Variants in WDR27 observed in about 807,000 individuals in gnomAD.
WDR27 encodes the protein WD repeat-containing protein 27.
A neutral mutation model predicts 114.4 loss-of-function variants in WDR27; 100 were observed. The ratio of observed to expected loss-of-function variants is 0.87; its 90% CI spans 0.74 to 1.03. WDR27 has a LOEUF of 1.03. Ranked by LOEUF, WDR27 falls within the 50% of genes least tolerant of loss-of-function variation. The probability of loss-of-function intolerance (pLI) is 0.00; values close to 1 mark genes in which losing one functional copy is unlikely to be tolerated. For synonymous variants in WDR27, 449 were observed against 423.1 expected (o/e 1.06, Z -0.75); for missense variants, 1,129 against 1,092.9 (o/e 1.03, Z -0.47).
intron 21 of WDR27, among the ~76,000 whole-genome samples, chr6:169,624,159 G>GTGTGCCA (rs1814125781): frequency 6.7e-6 from 1 of 148,186 alleles, no homozygotes; most frequent in African/African-American, 2.6e-5. Flanking sequence ...GGGGCGTCAG[G>GTGTGCCA]TGTGTGGCGT....
chr6:169,635,381 C>T (rs1817439248), intron 19 of WDR27, among the ~76,000 whole-genome samples: 1 of 152,158 alleles, frequency 6.6e-6, no homozygotes, highest in East Asian at 1.9e-4. Flanking sequence ...GAGACTCCGT[C>T]TCAAAAACAA....
At chr6:169,656,020 C>A (rs1824089224) in intron 13 of WDR27, among the ~76,000 whole-genome samples, 1 of 151,968 alleles carries the variant, frequency 6.6e-6, no homozygotes, top group Non-Finnish European at 1.5e-5. Context: ...CTGCACCCAG[C>A]TGGAGAGTTT....
chr6:169,458,216 C>A (rs1408620049), intron 25 of WDR27, among the ~76,000 whole-genome samples: 1 of 152,170 alleles, frequency 6.6e-6, no homozygotes, highest in Non-Finnish European at 1.5e-5. Flanking sequence ...CACCCTCATG[C>A]ACACCTTTCA....
intron 25 of WDR27, among the ~76,000 whole-genome samples, chr6:169,550,496 T>G (rs1197781740): frequency 6.6e-6 from 1 of 152,060 alleles, no homozygotes; most frequent in African/African-American, 2.4e-5. Flanking sequence ...CTCGGCTCAT[T>G]GCAACCTCCA....
chr6:169,474,976 C>T (rs1262424602), intron 25 of WDR27, among the ~76,000 whole-genome samples: 2 of 152,022 alleles, frequency 1.3e-5, no homozygotes, highest in Non-Finnish European at 2.9e-5. Context: ...TAGAGAAGAG[C>T]CCCCAGTGAC....
chr6:169,642,546 C>T lies in WDR27; in HGVS notation c.1747+1151G>A, dbSNP rs750582590. 7.2e-5 allele frequency among the ~76,000 whole-genome samples: 11 copies of T among 152,252 alleles called. No individual in the cohort carries two copies. The South Asian group carries it at 1.0e-3, about 14-fold the overall frequency. ...ATATGAGGTGGGACCAGGAGCAAGG[C>T]GCTCGAAGGGCAAGGGTGGCATCCA... On this transcript the variant is annotated intron_variant, in intron 17 of 25. Coordinates refer to ENST00000448612, the MANE Select transcript of WDR27 (RefSeq NM_182552.5).
At chr6:169,697,506 C>T (rs1170426097) in intron 1 of WDR27, among the ~76,000 whole-genome samples, 2 of 152,196 alleles carry the variant, frequency 1.3e-5, no homozygotes, top group Non-Finnish European at 2.9e-5. Flanking sequence ...ATCAGTCAGG[C>T]TCGCCCACTG....
At chr6:169,675,658 G>C (rs573234631) in intron 2 of WDR27, among the ~76,000 whole-genome samples, 31 of 152,212 alleles carry the variant, frequency 2.0e-4, no homozygotes, top group African/African-American at 7.0e-4. Flanking sequence ...CCAGGCTATA[G>C]GTAAATTTAA....
At chr6:169,614,195 CT>C (rs1811280261) in intron 21 of WDR27, among the ~76,000 whole-genome samples, 1 of 152,166 alleles carries the variant, frequency 6.6e-6, no homozygotes, top group Non-Finnish European at 1.5e-5. Context: ...TGGAACTGAA[CT>C]CAGCTCCATC....
intron 25 of WDR27, among the ~76,000 whole-genome samples, chr6:169,528,793 T>A (rs2128076169): frequency 6.6e-6 from 1 of 152,270 alleles, no homozygotes; most frequent in East Asian, 1.9e-4. Flanking sequence ...TCCCAAAGTG[T>A]TAGGATTGCA....
chr6:169,576,781 C>A (rs1390752249), intron 24 of WDR27, among the ~76,000 whole-genome samples: 7 of 142,098 alleles, frequency 4.9e-5, no homozygotes, highest in Admixed American at 7.1e-5. Flanking sequence ...AAAAAAAAGA[C>A]AAGAAAAGAA....
chr6:169,564,072 T>C (rs910246184), intron 25 of WDR27, among the ~76,000 whole-genome samples: 2 of 152,028 alleles, frequency 1.3e-5, no homozygotes, highest in Non-Finnish European at 2.9e-5. Context: ...TCCCAAAACC[T>C]CAAAAGTAGG....
intron 23 of WDR27, among the ~76,000 whole-genome samples, chr6:169,589,552 T>C (rs560123170): frequency 9.2e-5 from 14 of 152,308 alleles, no homozygotes; most frequent in Admixed American, 5.2e-4. Flanking sequence ...TTTTGTTTCC[T>C]CAGTGAGAAT....
chr6:169,699,076 A>G (rs1013125480), intron 1 of WDR27, among the ~76,000 whole-genome samples: 2 of 152,226 alleles, frequency 1.3e-5, no homozygotes, highest in Non-Finnish European at 2.9e-5. Flanking sequence ...ACAACCTGTA[A>G]TAACGCAGAA....
intron 25 of WDR27, among the ~76,000 whole-genome samples, chr6:169,509,711 T>C (rs913953062): frequency 3.5e-4 from 53 of 152,140 alleles, no homozygotes; most frequent in African/African-American, 1.2e-3. Flanking sequence ...ATTCAGGACA[T>C]AGGCATGGGC....
intron 25 of WDR27, among the ~76,000 whole-genome samples, chr6:169,492,431 T>G (rs971438610): frequency 1.3e-5 from 2 of 152,122 alleles, no homozygotes; most frequent in Non-Finnish European, 2.9e-5. Context: ...AAGGCAATTT[T>G]GAAGAAACAA....
At chr6:169,516,280 A>C (rs1436748236) in intron 25 of WDR27, among the ~76,000 whole-genome samples, 1 of 152,046 alleles carries the variant, frequency 6.6e-6, no homozygotes, top group East Asian at 1.9e-4. Flanking sequence ...TCCATTTTCA[A>C]CTCCCTAGCT....
intron 25 of WDR27, among the ~76,000 whole-genome samples, chr6:169,485,267 T>TACTTTA (rs1177291897): frequency 2.6e-5 from 4 of 152,186 alleles, no homozygotes; most frequent in African/African-American, 9.6e-5. Context: ...AAACTATGCA[T>TACTTTA]CTGACGAAGG....
intron 1 of WDR27, among the ~76,000 whole-genome samples, chr6:169,690,319 A>G (rs1159677024): frequency 6.6e-6 from 1 of 152,144 alleles, no homozygotes; most frequent in African/African-American, 2.4e-5. Flanking sequence ...GCCCTGAGAG[A>G]TTCTGCTAAC....
Sources: gnomAD v4.1 joint callset for allele counts (sites outside exome capture counted in the v4.1 genomes callset) on GRCh38, gnomAD v4.1.1 for gene constraint, MANE v1.5 for transcripts, NCBI Gene and HGNC (gene_info 2026-07-23, HGNC 2026-07-21) for gene names.